The following STC2 variants were observed in gnomAD, a reference collection of about 807,000 sequenced individuals.
The protein encoded by STC2 is stanniocalcin 2, also known as stanniocalcin-2.
In STC2, 7 loss-of-function variants were observed where a neutral mutation model predicts 22.7. That is an observed-to-expected ratio of 0.31 (90% CI 0.18 to 0.58). The LOEUF is 0.58. Among genes scored for constraint, STC2 ranks in the 20% least tolerant of loss-of-function variants. STC2 has a pLI of 0.89. For synonymous variants in STC2, 158 were observed against 163.4 expected (o/e 0.97, Z 0.25); for missense variants, 336 against 406.2 (o/e 0.83, Z 1.48).
chr5:173,323,219 T>C lies in STC2; in HGVS notation c.506A>G (p.Glu169Gly). 1 of 1,614,148 alleles carries C rather than the reference T, an allele frequency of 6.2e-7. No individual in the cohort carries two copies. The highest frequency in any genetic ancestry group is 8.5e-7 in the Non-Finnish European group (1 of 1,180,030). The change falls in exon 3 of 4, where the codon GAA becomes GGA. Residue 169 changes from glutamate to glycine, a missense_variant and splice_region_variant. Physicochemically the swap from Glu to Gly is moderately conservative, Grantham distance 98. Around this residue, in one of 3 missense-constraint regions of STC2, gnomAD observed 215 missense variants for 231.5 expected, o/e 0.93. Coordinates refer to ENST00000265087, the MANE Select transcript of STC2 (RefSeq NM_003714.3). The surrounding 1 kb of genome is among the most constrained non-coding windows in gnomAD (Gnocchi z 5.4). ...MIHFKDLLLH[E>G]PYVDLVNLLL... ...AGGCCCTCTGCGGGGCAGTACTCAC[T>C]CGTGCAGCAGCAAGTCCTTGAAATG...
rs556474443 is a variant in STC2 at position 173,325,351 on chromosome 5, GT to G, written c.294+516del. 3.4e-4 allele frequency among the ~76,000 whole-genome samples: 52 copies of G among 152,342 alleles called. 1 individual carries two copies. The highest frequency in any genetic ancestry group is 2.2e-3 in the Admixed American group (33 of 15,308). On this transcript the variant is annotated intron_variant, in intron 2 of 3. Coordinates refer to ENST00000265087, the MANE Select transcript of STC2 (RefSeq NM_003714.3). This position sits in a 1 kb window ranked among gnomAD's most constrained non-coding sequence, Gnocchi z 4.7. ...ATTTATCATATAGAGCAAAAGGAAA[GT>G]GTGGAACTGAAGGACTCAATCAGGG...
Position 173,317,351 on chromosome 5 carries a change from C to T in STC2, c.*496G>A, listed in dbSNP as rs932212498. 6.5e-6 allele frequency: 1 copy of T among 152,804 alleles called. No homozygotes were observed. The highest frequency in any genetic ancestry group is 2.4e-5 in the African/African-American group (1 of 41,464). The allele number at this position is 152,804 out of a possible 1,614,324, so 9.5% of individuals were successfully genotyped here. A position where few individuals can be genotyped will look rare whatever the true frequency, so the allele number is the denominator to read the frequency against. On this transcript the variant is annotated 3_prime_UTR_variant, in exon 4 of 4. Coordinates refer to ENST00000265087, the MANE Select transcript of STC2 (RefSeq NM_003714.3). ...CCCTCGGCCCCTGCCTCCTCTCCAC[C>T]CTTCTCCTGCATTCTAAGCGATATT...
chr5:173,320,572 C>T (rs961500862), intron 3 of STC2, among the ~76,000 whole-genome samples: 5 of 151,386 alleles, frequency 3.3e-5, no homozygotes, highest in African/African-American at 7.3e-5. Context: ...AGTGACATGG[C>T]GAGTGGGGGT....
In STC2 at chr5:173,326,210, T is replaced by C. The variant is rs1485345182; in HGVS notation, c.152-200A>G. 6.6e-5 allele frequency among the ~76,000 whole-genome samples: 10 copies of C among 152,350 alleles called. No individual in the cohort carries two copies. In the East Asian group the frequency reaches 1.7e-3, roughly 26 times the overall value. ...TCTACTCATGAAAAATATCTCTATT[T>C]GTAAATATTTGTAGAAAAGAGCCGA... is the stretch of plus-strand genomic sequence containing the variant. On this transcript the variant is annotated intron_variant, in intron 1 of 3. Coordinates refer to ENST00000265087, the MANE Select transcript of STC2 (RefSeq NM_003714.3).
At chr5:173,320,073 C>G (rs1217489184) in intron 3 of STC2, among the ~76,000 whole-genome samples, 1 of 152,226 alleles carries the variant, frequency 6.6e-6, no homozygotes, top group African/African-American at 2.4e-5. Context: ...AAAGCAGCAA[C>G]AGGATTTTAG....
At chr5:173,321,322 C>A (rs979421137) in intron 3 of STC2, among the ~76,000 whole-genome samples, 2 of 152,162 alleles carry the variant, frequency 1.3e-5, no homozygotes, top group Admixed American at 1.3e-4. Flanking sequence ...TGCATTATAG[C>A]CTTATAAACT....
rs1015495891 is a variant in STC2, at chr5:173,323,484, G to A, written c.295-54C>T. ...AGAGGGGCAGAAAGCAGAAGACCTC[G>A]TTACATGCTTGGACATTTCAGCCCT... On this transcript the variant is annotated intron_variant, in intron 2 of 3. Transcript: ENST00000265087. This position sits in a 1 kb window ranked among gnomAD's most constrained non-coding sequence, Gnocchi z 5.4. 8.7e-6 allele frequency: 13 copies of A among 1,493,280 alleles called. No individual in the cohort carries two copies. The highest frequency in any genetic ancestry group is 4.8e-5 in the South Asian group (4 of 83,092). 92.5% of individuals were successfully genotyped at this position (1,493,280 alleles called of 1,614,324 possible).
rs373774225 is a variant in STC2, at chr5:173,328,215, G to C, written c.-22C>G. 2.6e-5 allele frequency: 37 copies of C among 1,439,462 alleles called. No individual in the cohort carries two copies. The highest frequency in any genetic ancestry group is 3.3e-5 in the Non-Finnish European group (36 of 1,087,322). The allele number at this position is 1,439,462 out of a possible 1,614,324, so 89.2% of individuals were successfully genotyped here. On this transcript the variant is annotated 5_prime_UTR_variant, in exon 1 of 4. Transcript: ENST00000265087. ...ACATGGTTCTTGGTATTAACCTCCC[G>C]TCGGGAGACCTGGATCCTTTGTGCT...
chr5:173,327,681 C>G (rs13190404), intron 1 of STC2, among the ~76,000 whole-genome samples: 1 of 152,260 alleles, frequency 6.6e-6, no homozygotes, highest in South Asian at 2.1e-4. Flanking sequence ...CGGGGACCCT[C>G]TGGGCCTCCC....
chr5:173,327,796 G>C (rs1453959068), intron 1 of STC2, among the ~76,000 whole-genome samples: 1 of 152,244 alleles, frequency 6.6e-6, no homozygotes, highest in African/African-American at 2.4e-5. Flanking sequence ...TCGACCCTGG[G>C]GAGGACAGCA....
In STC2 at chr5:173,318,008, T is replaced by G. The variant is rs1358880025; in HGVS notation, c.748A>C (p.Ser250Arg). 3.1e-6 allele frequency: 5 copies of G among 1,613,038 alleles called. No homozygotes were observed. The Middle Eastern group carries it at 5.0e-4, about 160-fold the overall frequency. ...GEAGHHLPEP[S>R]SRETGRGAKG... Reference sequence around the variant, plus strand: ...GCACCTCGGCCAGTCTCCCTACTGCTGGGCTCTGGGAGGTGATGTCCTGCT... The same window carrying G: ...GCACCTCGGCCAGTCTCCCTACTGCGGGGCTCTGGGAGGTGATGTCCTGCT... Residue 250 changes from serine (S) to arginine (R), a missense_variant, in exon 4 of 4, where the codon AGC (serine) becomes CGC (arginine). Around this residue, in one of 3 missense-constraint regions of STC2, gnomAD observed 215 missense variants for 231.5 expected, o/e 0.93. Transcript: ENST00000265087.
chr5:173,315,422 C>T lies in STC2; in HGVS notation c.*2425G>A, dbSNP rs369598700. 10 of 152,266 alleles carry T rather than the reference C, an allele frequency of 6.6e-5. No individual in the cohort carries two copies. The East Asian group carries it at 9.7e-4, about 15-fold the overall frequency. The allele number at this position is 152,266 out of a possible 1,614,324, so 9.4% of individuals were successfully genotyped here. On this transcript the variant is annotated 3_prime_UTR_variant, in exon 4 of 4. Coordinates refer to ENST00000265087, the MANE Select transcript of STC2 (RefSeq NM_003714.3). ...ACAAAGCAGTGGCATGAAAAATATA[C>T]AACAGAGATCAGTAAATGGGTTCAA...
chr5:173,323,061 C>T lies in STC2; in HGVS notation c.506+158G>A, dbSNP rs1251014696. ...TTCCTAAAAGCCAGCAGGAAAGGGG[C>T]CTTTTAGTAGAGTCAGTGTAGCTTT... On this transcript the variant is annotated intron_variant, in intron 3 of 3. Transcript: ENST00000265087. This position sits in a 1 kb window ranked among gnomAD's most constrained non-coding sequence, Gnocchi z 5.4. 3 of 664,110 alleles carry T rather than the reference C, an allele frequency of 4.5e-6. No individual in the cohort carries two copies. The highest frequency in any genetic ancestry group is 3.9e-5 in the South Asian group (2 of 51,470). 41.1% of individuals were successfully genotyped at this position (664,110 alleles called of 1,614,324 possible).
Position 173,325,785 on chromosome 5 carries a change from G to T in STC2, c.294+83C>A. 3.8e-6 allele frequency: 6 copies of T among 1,586,058 alleles called. No individual in the cohort carries two copies. Among genetic ancestry groups the T allele is most frequent in the Non-Finnish European group, 5.2e-6 (6 of 1,159,224 alleles). On this transcript the variant is annotated intron_variant, in intron 2 of 3. Transcript: ENST00000265087. This position sits in a 1 kb window ranked among gnomAD's most constrained non-coding sequence, Gnocchi z 4.7. ...CACACCACAAGGAACAGCAAAGGAA[G>T]TTGGTTAACAAGGCTTTCCAATGAA...
Position 173,325,037 on chromosome 5 carries a change from C to T in STC2, c.294+831G>A, listed in dbSNP as rs940384153. On this transcript the variant is annotated intron_variant, in intron 2 of 3. Transcript: ENST00000265087. The surrounding 1 kb of genome is among the most constrained non-coding windows in gnomAD (Gnocchi z 4.7). ...TCAGTGGATGGGGACTGGTGACATC[C>T]ATAAATCTCACCTAAGCTGATGGCC... Among the ~76,000 whole-genome samples, 4 of 152,198 alleles carry T rather than the reference C, an allele frequency of 2.6e-5. No individual in the cohort carries two copies. The highest frequency in any genetic ancestry group is 5.9e-5 in the Non-Finnish European group (4 of 68,040).
intron 3 of STC2, chr5:173,322,847 C>T (rs1421959366): frequency 3.1e-5 from 8 of 256,398 alleles, no homozygotes; most frequent in Admixed American, 4.8e-5. Context: ...AAATATTCAA[C>T]AAATGTTATT....
At chr5:173,324,968 C>T (rs1464238516) in intron 2 of STC2, among the ~76,000 whole-genome samples, 3 of 152,216 alleles carry the variant, frequency 2.0e-5, no homozygotes, top group African/African-American at 7.2e-5. Context: ...TTCGCCTCCC[C>T]TCCTTGTTCC....
rs1291709265 is a variant in STC2, at chr5:173,317,747, C to T, written c.*100G>A. ...AGTCCACAGTCCCCACAGAATCCTG[C>T]GTGTGACATCCCCCCTCTCTAATGG... On this transcript the variant is annotated 3_prime_UTR_variant, in exon 4 of 4. Transcript: ENST00000265087. The T allele has an allele frequency of 2.8e-6, 4 of 1,429,658 alleles. No individual in the cohort carries two copies. Among genetic ancestry groups the T allele is most frequent in the African/African-American group, 1.4e-5 (1 of 70,388 alleles). 88.6% of individuals were successfully genotyped at this position (1,429,658 alleles called of 1,614,324 possible).
rs1431331386 is a variant in STC2, at chr5:173,315,574, G to A, written c.*2273C>T. ...CGAACACATAAAACATTTACACGGA[G>A]GAAAATGGAAATGTGATGCCTTTCA... On this transcript the variant is annotated 3_prime_UTR_variant, in exon 4 of 4. Transcript: ENST00000265087. 1 of 152,226 alleles carries A rather than the reference G, an allele frequency of 6.6e-6. No homozygotes were observed. The highest frequency in any genetic ancestry group is 2.4e-5 in the African/African-American group (1 of 41,448). 9.4% of individuals were successfully genotyped at this position (152,226 alleles called of 1,614,324 possible).
Sources: gnomAD v4.1 joint callset for allele counts (sites outside exome capture counted in the v4.1 genomes callset) on GRCh38, gnomAD v4.1.1 for gene constraint, gnomAD v4.1.1 regional missense constraint, Gnocchi (gnomAD v3.1) non-coding constraint, MANE v1.5 for transcripts, NCBI Gene and HGNC (gene_info 2026-07-23, HGNC 2026-07-21) for gene names.